Variants in LAMA4 observed in about 807,000 individuals in gnomAD.
LAMA4 encodes the protein laminin subunit alpha-4.
A neutral mutation model predicts 207.1 loss-of-function variants in LAMA4; 127 were observed. The observed-to-expected ratio is 0.61, with a 90% CI of 0.53 to 0.71. LAMA4 has a LOEUF of 0.71. LAMA4 is among the 30% of genes least tolerant of loss of function. LAMA4 has a pLI of 0.00. For missense variants in LAMA4, 2,093 were observed against 2,246.5 expected, an observed-to-expected ratio of 0.93 and a Z score of 1.38; for synonymous variants, 761 against 816.0, an observed-to-expected ratio of 0.93 and a Z score of 1.15.
At chr6:112,138,121 C>T (rs1024982858) in intron 24 of LAMA4, among the ~76,000 whole-genome samples, 2 of 152,004 alleles carry the variant, frequency 1.3e-5, no homozygotes, top group Non-Finnish European at 2.9e-5. Flanking sequence ...AAATTTCTAA[C>T]CTTTAGAAAA....
chr6:112,187,329 G>C (rs190962391), intron 8 of LAMA4, 121 bp downstream of exon 8: 1 of 1,133,608 alleles, frequency 8.8e-7, no homozygotes, highest in African/African-American at 1.5e-5. Context: ...AGACCTACAG[G>C]TCTAACAACC....
chr6:112,117,837 A>G lies in LAMA4; in HGVS notation c.4883T>C (p.Ile1628Thr), dbSNP rs145001856. 6.2e-7 allele frequency: 1 copy of G among 1,613,602 alleles called. No homozygotes were observed. Among genetic ancestry groups the G allele is most frequent in the Non-Finnish European group, 8.5e-7 (1 of 1,179,728 alleles). The part of the protein sequence containing the change: ...LSNLQLNGAS[I>T]TSASQTFSVT... ...ACTGAATGTCTGAGAAGCAGAGGTG[A>G]TGGAGGCCCCATTGAGCTGGAGATT... is the stretch of plus-strand genomic sequence containing the variant. The change falls in exon 35 of 39, where the codon ATC becomes ACC. Residue 1628 changes from isoleucine to threonine, a missense_variant. Transcript: ENST00000230538. The surrounding 1 kb of genome is among the most constrained non-coding windows in gnomAD (Gnocchi z 4.5).
chr6:112,180,174 T>G (rs567643593), intron 9 of LAMA4, among the ~76,000 whole-genome samples: 27 of 152,204 alleles, frequency 1.8e-4, no homozygotes, highest in Admixed American at 3.9e-4. Context: ...GCTCTATTGT[T>G]ATTCCTATGT....
At chr6:112,178,400 T>C (rs782241883) in intron 9 of LAMA4, 168 bp from the exon 10 acceptor site, 1 of 633,314 alleles carries the variant, frequency 1.6e-6, no homozygotes, top group Non-Finnish European at 2.8e-6. Context: ...TGAAAGGTAA[T>C]GTGATGGCCA....
intron 9 of LAMA4, among the ~76,000 whole-genome samples, chr6:112,184,324 G>GAAAA (rs576885972): frequency 4.1e-5 from 5 of 120,754 alleles, no homozygotes; most frequent in Admixed American, 8.5e-5. Context: ...AATATCATTA[G>GAAAA]AAAAAAAAAA....
intron 2 of LAMA4, among the ~76,000 whole-genome samples, chr6:112,233,054 T>C (rs1785664313): frequency 6.6e-6 from 1 of 152,192 alleles, no homozygotes; most frequent in Non-Finnish European, 1.5e-5. Flanking sequence ...TTTTTCCATA[T>C]ACAGTGGGAA....
At chr6:112,214,042 GA>G in intron 3 of LAMA4, 1 of 763,438 alleles carries the variant, frequency 1.3e-6, no homozygotes, top group Admixed American at 1.8e-5. Flanking sequence ...GGCAGAAGCT[GA>G]AAAACCTGGG....
At position 112,205,202 on chromosome 6, in the gene LAMA4, CCA is replaced by C. The variant is rs1554353856; in HGVS notation, c.422+1817_422+1818del. The stretch of plus-strand genomic sequence containing the variant: ...ATGCCAGGCATAGAGTAAGAAAAAT[CCA>C]AGTGTTAGAAAAAATATAGCGGTAT... On this transcript the variant is annotated intron_variant, in intron 4 of 38. Coordinates refer to ENST00000230538, the MANE Select transcript of LAMA4 (RefSeq NM_001105206.3). Among the ~76,000 whole-genome samples the C allele has an allele frequency of 2.6e-5, 4 of 152,292 alleles. No individual in the cohort carries two copies. In the South Asian group the frequency reaches 8.3e-4, roughly 32 times the overall value.
chr6:112,155,374 T>TAC, intron 15 of LAMA4, 191 bp downstream of exon 15: 1 of 640,516 alleles, frequency 1.6e-6, no homozygotes, highest in South Asian at 1.9e-5. Flanking sequence ...CTGACTGGAC[T>TAC]ACAGCACATC....
chr6:112,224,619 C>T (rs1785101642), intron 2 of LAMA4, among the ~76,000 whole-genome samples: 1 of 151,992 alleles, frequency 6.6e-6, no homozygotes. Context: ...AGTTTGAGAC[C>T]AGCCTGGCCA....
rs1440576732 is a variant in LAMA4 at position 112,178,238 on chromosome 6, A to G, written c.1078-6T>C. The G allele has an allele frequency of 1.9e-6, 3 of 1,589,968 alleles. No individual in the cohort carries two copies. In the East Asian group the frequency reaches 6.7e-5, roughly 36 times the overall value. On this transcript the variant is annotated splice_region_variant and splice_polypyrimidine_tract_variant and intron_variant, in intron 9 of 38. Transcript: ENST00000230538. ...TTTCTGGAGGCTTGATTTTCCTACA[A>G]ATAATCCGTATAAAGGCTAGATTAA...
At chr6:112,131,721 G>A (rs1359414159) in intron 28 of LAMA4, among the ~76,000 whole-genome samples, 1 of 151,998 alleles carries the variant, frequency 6.6e-6, no homozygotes, top group East Asian at 2.0e-4. Context: ...AGGCAGGTTT[G>A]GGTCAGAAGT....
chr6:112,241,152 T>TATATATTC (rs782682915), intron 2 of LAMA4, among the ~76,000 whole-genome samples: 1 of 98,486 alleles, frequency 1.0e-5, no homozygotes, highest in Non-Finnish European at 2.0e-5. Flanking sequence ...TATATATGAA[T>TATATATTC]ATATATATGA....
At chr6:112,164,819 G>A (rs1443255012) in intron 13 of LAMA4, among the ~76,000 whole-genome samples, 1 of 152,192 alleles carries the variant, frequency 6.6e-6, no homozygotes, top group Non-Finnish European at 1.5e-5. Flanking sequence ...CTCTCTGCAA[G>A]AAGTTCCACT....
intron 2 of LAMA4, chr6:112,235,995 T>C (rs1785892145): frequency 6.6e-6 from 1 of 152,228 alleles, no homozygotes; most frequent in Non-Finnish European, 1.5e-5. Context: ...GATGACTACA[T>C]AAGTTATAAG....
chr6:112,139,026 A>G (rs1779519426), intron 24 of LAMA4, 94 bp downstream of exon 24: 1 of 1,221,356 alleles, frequency 8.2e-7, no homozygotes, highest in Non-Finnish European at 1.2e-6. Flanking sequence ...GTTTGATGGC[A>G]TGACACACTA....
chr6:112,160,096 C>T (rs2114803695), intron 13 of LAMA4, among the ~76,000 whole-genome samples: 1 of 152,214 alleles, frequency 6.6e-6, no homozygotes, highest in East Asian at 1.9e-4. Context: ...AAGGCAACCT[C>T]CTTGGTCTCT....
At position 112,134,474 on chromosome 6, in the gene LAMA4, G is replaced by A. The variant is rs1779217262; in HGVS notation, c.3550C>T (p.Gln1184Ter). 6.2e-7 allele frequency: 1 copy of A among 1,613,448 alleles called. No individual in the cohort carries two copies. Among genetic ancestry groups the A allele is most frequent in the Non-Finnish European group, 8.5e-7 (1 of 1,179,586 alleles). ...CTTAACAAAAAGCCTTACCTGGATT[G>A]TAAGATTTCTGGAGGAGCTCCTCCA... Reference protein sequence around the residue: ...YIGGAPPEILQSRALRAHLPL... With the variant: ...YIGGAPPEIL The change falls in exon 26 of 39, where the codon CAA (glutamine) becomes TAA (stop). Residue 1184 changes from glutamine (Q) to a stop codon, truncating the protein, a stop_gained. Transcript: ENST00000230538. LOFTEE classifies it high-confidence loss of function.
At chr6:112,198,506 C>G (rs1554351216) in intron 5 of LAMA4, among the ~76,000 whole-genome samples, 2 of 152,094 alleles carry the variant, frequency 1.3e-5, no homozygotes, top group African/African-American at 4.8e-5. Flanking sequence ...CTCTTAACCC[C>G]AGGGTCAAAC....
Sources: gnomAD v4.1 joint callset for allele counts (sites outside exome capture counted in the v4.1 genomes callset) on GRCh38, gnomAD v4.1.1 for gene constraint, Gnocchi (gnomAD v3.1) non-coding constraint, MANE v1.5 for transcripts, NCBI Gene and HGNC (gene_info 2026-07-23, HGNC 2026-07-21) for gene names.